HERC4: variants seen among roughly 807,000 people sequenced by gnomAD.
The protein encoded by HERC4 is probable E3 ubiquitin-protein ligase HERC4.
HERC4 carries 28 observed loss-of-function variants against 124.3 expected under a neutral mutation model. The observed-to-expected ratio is 0.23, with a 90% CI of 0.17 to 0.31. The LOEUF is 0.31. Ranked by LOEUF, HERC4 falls within the 10% of genes least tolerant of loss-of-function variation. The pLI, the probability that HERC4 is intolerant of heterozygous loss-of-function variation, is 1.00. For synonymous variants in HERC4, 407 were observed against 421.5 expected (o/e 0.97, Z 0.42); for missense variants, 713 against 1,229.3 (o/e 0.58, Z 6.28).
At chr10:67,952,940 T>C (rs1370720638) in intron 19 of HERC4, among the ~76,000 whole-genome samples, 3 of 151,268 alleles carry the variant, frequency 2.0e-5, no homozygotes, top group African/African-American at 4.9e-5. Context: ...ATTGCACAAA[T>C]AATATAAAGA....
chr10:67,944,245 G>A (rs554707504), intron 19 of HERC4, among the ~76,000 whole-genome samples: 101 of 152,318 alleles, frequency 6.6e-4, no homozygotes, highest in South Asian at 2.5e-3. Flanking sequence ...GCTCCAGAGA[G>A]CTCAGCATAG....
chr10:68,004,549 A>G (rs1425672519), intron 9 of HERC4, among the ~76,000 whole-genome samples: 2 of 152,052 alleles, frequency 1.3e-5, no homozygotes, highest in East Asian at 3.9e-4. Flanking sequence ...TTCCATTTGT[A>G]CATGCTTTTT....
intron 8 of HERC4, among the ~76,000 whole-genome samples, chr10:68,017,449 C>T (rs1000525322): frequency 6.6e-6 from 1 of 151,908 alleles, no homozygotes; most frequent in African/African-American, 2.4e-5. Flanking sequence ...CACAAGAGAC[C>T]AATACAGACA....
chr10:67,978,804 A>T (rs1370895916), intron 15 of HERC4, among the ~76,000 whole-genome samples: 1 of 152,160 alleles, frequency 6.6e-6, no homozygotes, highest in Non-Finnish European at 1.5e-5. Context: ...AAAAGTAAGG[A>T]AAGAGAAAGA....
At chr10:68,034,213 C>A (rs980794175) in intron 5 of HERC4, 27 bp from the exon 6 acceptor site, 3 of 1,500,846 alleles carry the variant, frequency 2.0e-6, no homozygotes, top group Non-Finnish European at 2.7e-6. Context: ...GAAAAATTAA[C>A]CATTTTTCTC....
At chr10:67,980,807 T>C (rs2035885778) in intron 15 of HERC4, among the ~76,000 whole-genome samples, 1 of 152,214 alleles carries the variant, frequency 6.6e-6, no homozygotes, top group African/African-American at 2.4e-5. Context: ...TATTTGTTTA[T>C]ACAAACAGTG....
chr10:68,018,301 CA>C (rs2038388425), intron 8 of HERC4, among the ~76,000 whole-genome samples: 1 of 150,766 alleles, frequency 6.6e-6, no homozygotes, highest in Non-Finnish European at 1.5e-5. Context: ...TCAATAAATA[CA>C]GAAAAAACAA....
intron 19 of HERC4, among the ~76,000 whole-genome samples, chr10:67,948,044 T>C (rs1389541306): frequency 6.6e-6 from 1 of 151,872 alleles, no homozygotes; most frequent in Non-Finnish European, 1.5e-5. Context: ...CAAGGGAAAT[T>C]AGAAAATACT....
At chr10:68,029,897 C>T (rs966136017) in intron 7 of HERC4, among the ~76,000 whole-genome samples, 3 of 151,236 alleles carry the variant, frequency 2.0e-5, no homozygotes, top group African/African-American at 7.3e-5. Context: ...TGCCACCACG[C>T]CCGGCTAATT....
At chr10:67,924,957 T>C (rs914452729) in intron 24 of HERC4, 128 bp downstream of exon 24, 4 of 513,330 alleles carry the variant, frequency 7.8e-6, no homozygotes, top group Non-Finnish European at 1.4e-5. Context: ...AATAAGAAAA[T>C]ACATGTACTG....
intron 15 of HERC4, among the ~76,000 whole-genome samples, chr10:67,983,400 T>A (rs1462271031): frequency 6.6e-6 from 1 of 152,148 alleles, no homozygotes; most frequent in African/African-American, 2.4e-5. Context: ...AAGCAGTATA[T>A]CATACAGGTA....
rs536531727 is a variant in HERC4 at position 68,028,249 on chromosome 10, TA to T, written c.778-2574del. Among the ~76,000 whole-genome samples the T allele has an allele frequency of 4.5e-3, 637 of 142,780 alleles. 1 individual carries two copies. The highest frequency in any genetic ancestry group is 0.011 in the African/African-American group (428 of 39,250). The allele number at this position is 142,780 out of a possible 152,430, so 93.7% of individuals were successfully genotyped here. On this transcript the variant is annotated intron_variant, in intron 7 of 24. Transcript: ENST00000373700. The stretch of plus-strand genomic sequence containing the variant: ...TGATTCTTTCCCATTATTGACCAGT[TA>T]AAAAAAAAAAAATGAGTGTTGTCCT...
intron 15 of HERC4, among the ~76,000 whole-genome samples, chr10:67,978,633 G>GC (rs905831779): frequency 6.6e-6 from 1 of 152,176 alleles, no homozygotes; most frequent in African/African-American, 2.4e-5. Flanking sequence ...ATAGTCAGTA[G>GC]CCAGGAAGTT....
intron 9 of HERC4, among the ~76,000 whole-genome samples, chr10:68,007,018 T>C (rs1195006681): frequency 6.6e-6 from 1 of 152,200 alleles, no homozygotes; most frequent in Non-Finnish European, 1.5e-5. Context: ...TATTTTTCTT[T>C]AGGATTGAAA....
chr10:68,001,762 T>C (rs1392562087), intron 9 of HERC4, among the ~76,000 whole-genome samples: 2 of 152,158 alleles, frequency 1.3e-5, no homozygotes, highest in African/African-American at 4.8e-5. Context: ...TATTTCTGTC[T>C]CTATGAATTT....
chr10:68,040,872 G>C (rs2039727575), intron 4 of HERC4, among the ~76,000 whole-genome samples: 1 of 145,822 alleles, frequency 6.9e-6, no homozygotes, highest in South Asian at 2.1e-4. Context: ...CTGGGTGACA[G>C]AGTGAAATTC....
At chr10:67,929,844 C>T (rs929836888) in intron 23 of HERC4, among the ~76,000 whole-genome samples, 6 of 138,644 alleles carry the variant, frequency 4.3e-5, no homozygotes, top group African/African-American at 2.0e-4. Flanking sequence ...TGGAGTTTCA[C>T]TCTTGTTGCC....
chr10:68,058,326 A>G (rs974232906), intron 3 of HERC4, among the ~76,000 whole-genome samples: 1 of 152,064 alleles, frequency 6.6e-6, no homozygotes, highest in Non-Finnish European at 1.5e-5. Context: ...GCACAGCAGG[A>G]AGACAACTGT....
intron 8 of HERC4, among the ~76,000 whole-genome samples, chr10:68,022,987 C>T (rs897668968): frequency 2.7e-5 from 4 of 149,510 alleles, no homozygotes; most frequent in Non-Finnish European, 4.4e-5. Context: ...ACATGTTACA[C>T]GTATTAAAAT....
Sources: allele counts gnomAD v4.1 joint callset (sites outside exome capture counted in the v4.1 genomes callset), GRCh38; gene constraint gnomAD v4.1.1; transcripts MANE v1.5; gene names NCBI Gene and HGNC (gene_info 2026-07-23, HGNC 2026-07-21).